Variants in DOCK1 observed in about 807,000 individuals in gnomAD.
The protein encoded by DOCK1 is dedicator of cytokinesis 1, also known as dedicator of cytokinesis protein 1.
Under a neutral mutation model 262.7 loss-of-function variants are expected in DOCK1, and 138 were observed. That is an observed-to-expected ratio of 0.53 (90% CI 0.46 to 0.61). DOCK1 has a LOEUF of 0.61. Among genes scored for constraint, DOCK1 ranks in the 20% least tolerant of loss-of-function variants. The pLI, the probability that DOCK1 is intolerant of heterozygous loss-of-function variation, is 0.00. For missense variants in DOCK1, 1,908 were observed against 2,370.7 expected, an observed-to-expected ratio of 0.80 and a Z score of 4.05; for synonymous variants, 866 against 867.4, an observed-to-expected ratio of 1.00 and a Z score of 0.03.
At chr10:127,166,833 G>A (rs1192246284) in intron 27 of DOCK1, among the ~76,000 whole-genome samples, 1 of 151,554 alleles carries the variant, frequency 6.6e-6, no homozygotes, top group Non-Finnish European at 1.5e-5. Context: ...AAATGTTCAT[G>A]CCATGCCTTG....
intron 29 of DOCK1, among the ~76,000 whole-genome samples, chr10:127,310,378 C>T (rs2062022958): frequency 6.6e-6 from 1 of 151,986 alleles, no homozygotes; most frequent in Non-Finnish European, 1.5e-5. Context: ...AAAGCTCTGC[C>T]CCGGCAGCTG....
intron 38 of DOCK1, among the ~76,000 whole-genome samples, chr10:127,397,039 G>T (rs2066907749): frequency 1.5e-5 from 2 of 136,758 alleles, no homozygotes; most frequent in African/African-American, 3.0e-5. Context: ...TACACGGGCG[G>T]CGACTCCTAT....
At chr10:127,178,499 C>T (rs1298279000) in intron 27 of DOCK1, among the ~76,000 whole-genome samples, 1 of 152,194 alleles carries the variant, frequency 6.6e-6, no homozygotes. Context: ...CCAGCCATTA[C>T]CAGATGAGCC....
chr10:127,347,190 A>T (rs1024185070), intron 31 of DOCK1, among the ~76,000 whole-genome samples: 3 of 152,370 alleles, frequency 2.0e-5, no homozygotes, highest in Admixed American at 2.0e-4. Context: ...GTGCCTAGAA[A>T]TGTGATTTGT....
At chr10:127,130,498 G>C (rs1294762578) in intron 27 of DOCK1, among the ~76,000 whole-genome samples, 1 of 152,178 alleles carries the variant, frequency 6.6e-6, no homozygotes, top group African/African-American at 2.4e-5. Flanking sequence ...TGGATGGGAA[G>C]CTGGGAATGT....
At chr10:126,939,440 A>G (rs1001872488) in intron 1 of DOCK1, among the ~76,000 whole-genome samples, 25 of 152,178 alleles carry the variant, frequency 1.6e-4, no homozygotes, top group Non-Finnish European at 3.2e-4. Flanking sequence ...TCTAAATTCT[A>G]GGATGAATTT....
chr10:127,068,012 C>G (rs143189939), intron 23 of DOCK1, among the ~76,000 whole-genome samples: 14 of 152,182 alleles, frequency 9.2e-5, no homozygotes, highest in African/African-American at 3.4e-4. Flanking sequence ...CCATCTCTTT[C>G]CATTCTAACC....
At chr10:127,174,322 G>A (rs921514908) in intron 27 of DOCK1, among the ~76,000 whole-genome samples, 16 of 152,094 alleles carry the variant, frequency 1.1e-4, no homozygotes, top group Non-Finnish European at 1.6e-4. Context: ...GAGAGGTCTC[G>A]GCAATCCAGG....
chr10:127,023,983 C>T (rs757840576), intron 14 of DOCK1, among the ~76,000 whole-genome samples: 9 of 152,160 alleles, frequency 5.9e-5, no homozygotes, highest in Non-Finnish European at 8.8e-5. Flanking sequence ...CTCTACCTAC[C>T]GGCGATCATG....
intron 1 of DOCK1, among the ~76,000 whole-genome samples, chr10:126,950,415 G>T (rs1187296953): frequency 6.6e-6 from 1 of 151,966 alleles, no homozygotes; most frequent in South Asian, 2.1e-4. Context: ...ACATGTAAAG[G>T]CTCTCTCTCC....
chr10:127,228,767 T>C (rs1278651976), intron 27 of DOCK1, among the ~76,000 whole-genome samples: 1 of 152,264 alleles, frequency 6.6e-6, no homozygotes, highest in Non-Finnish European at 1.5e-5. Flanking sequence ...ATTGTCATTA[T>C]GTCAACATTT....
chr10:127,061,884 A>G (rs1193438286), intron 23 of DOCK1, 108 bp downstream of exon 23: 45 of 689,180 alleles, frequency 6.5e-5, no homozygotes, highest in Non-Finnish European at 9.8e-5. Context: ...CCCAAATACC[A>G]TAGTTGTTAA....
At chr10:126,912,811 G>A (rs2032002266) in intron 1 of DOCK1, among the ~76,000 whole-genome samples, 1 of 151,764 alleles carries the variant, frequency 6.6e-6, no homozygotes, top group Admixed American at 6.6e-5. Flanking sequence ...CTTTGACTTA[G>A]TCACCTCTTT....
At chr10:127,275,401 G>C (rs549844466) in intron 29 of DOCK1, among the ~76,000 whole-genome samples, 1 of 152,284 alleles carries the variant, frequency 6.6e-6, no homozygotes, top group East Asian at 1.9e-4. Flanking sequence ...AGTGGCAGAG[G>C]AGGAGGCCAG....
intron 23 of DOCK1, among the ~76,000 whole-genome samples, chr10:127,074,842 T>C (rs1184004491): frequency 6.6e-6 from 1 of 152,140 alleles, no homozygotes; most frequent in Non-Finnish European, 1.5e-5. Flanking sequence ...TTAAACATTT[T>C]ATATGATCCC....
Position 126,987,617 on chromosome 10 carries a change from G to C in DOCK1, c.324G>C (p.Val108=), listed in dbSNP as rs922414262. 1.3e-6 allele frequency: 2 copies of C among 1,556,250 alleles called. No homozygotes were observed. The highest frequency in any genetic ancestry group is 1.7e-6 in the Non-Finnish European group (2 of 1,149,158). ...EWSTIWRQLY[V]QDNREMFRSV... Reference sequence around the variant, plus strand: ...CCACCATCTGGAGGCAGCTCTACGTGGTGAGAAAATGAGATATTCATTCAA... The same window carrying C: ...CCACCATCTGGAGGCAGCTCTACGTCGTGAGAAAATGAGATATTCATTCAA... Residue 108 remains valine (V), a splice_region_variant and synonymous_variant, in exon 5 of 52, where the codon GTG becomes GTC. Transcript: ENST00000623213.
At chr10:127,061,888 T>G in intron 23 of DOCK1, 112 bp downstream of exon 23, 2 of 715,558 alleles carry the variant, frequency 2.8e-6, no homozygotes, top group Non-Finnish European at 4.4e-6. Flanking sequence ...AATACCATAG[T>G]TGTTAATGTC....
At chr10:127,358,024 T>C (rs909647672) in intron 32 of DOCK1, among the ~76,000 whole-genome samples, 3 of 152,140 alleles carry the variant, frequency 2.0e-5, no homozygotes, top group African/African-American at 7.2e-5. Flanking sequence ...ATTTTACTTT[T>C]TGTAAATGGG....
At chr10:127,428,827 ACCGTGTGGATTG>A (rs2069029507) in intron 47 of DOCK1, among the ~76,000 whole-genome samples, 9 of 45,430 alleles carry the variant, frequency 2.0e-4, no homozygotes, top group South Asian at 8.8e-4. Context: ...GGATTGGGGT[ACCGTGTGGATTG>A]TGCCGTGTGG....
Sources: allele counts gnomAD v4.1 joint callset (sites outside exome capture counted in the v4.1 genomes callset), GRCh38; gene constraint gnomAD v4.1.1; transcripts MANE v1.5; gene names NCBI Gene and HGNC (gene_info 2026-07-23, HGNC 2026-07-21).